The following STX8 variants were observed in gnomAD, a reference collection of about 807,000 sequenced individuals.
STX8 encodes the protein syntaxin 8.
Under a neutral mutation model 37.5 loss-of-function variants are expected in STX8, and 23 were observed. The observed-to-expected ratio is 0.61, with a 90% CI of 0.44 to 0.87. The LOEUF is 0.87. Ranked by LOEUF, STX8 falls within the 40% of genes least tolerant of loss-of-function variation. STX8 has a pLI of 0.00. For synonymous variants in STX8, 115 were observed against 99.1 expected (o/e 1.16, Z -0.95); for missense variants, 313 against 284.7 (o/e 1.10, Z -0.71).
chr17:9,474,466 G>A (rs1055700632), intron 6 of STX8, among the ~76,000 whole-genome samples: 28 of 152,052 alleles, frequency 1.8e-4, no homozygotes, highest in Middle Eastern at 6.8e-3. Context: ...TCCGCCTCCC[G>A]GGTTCAAGTG....
intron 4 of STX8, among the ~76,000 whole-genome samples, chr17:9,524,234 T>C (rs1299693971): frequency 1.3e-5 from 2 of 152,234 alleles, no homozygotes; most frequent in East Asian, 1.9e-4. Flanking sequence ...GCGGTATCAA[T>C]TTCTGTCTCA....
At chr17:9,328,313 T>C (rs1454470226) in intron 7 of STX8, among the ~76,000 whole-genome samples, 2 of 151,956 alleles carry the variant, frequency 1.3e-5, no homozygotes, top group African/African-American at 4.8e-5. Flanking sequence ...TGGCCTGTCT[T>C]GGGGAAAAGG....
intron 6 of STX8, among the ~76,000 whole-genome samples, chr17:9,451,769 A>T (rs763275966): frequency 1.3e-5 from 2 of 149,482 alleles, no homozygotes; most frequent in African/African-American, 2.5e-5. Flanking sequence ...ATTCATATAT[A>T]CACAAAAATA....
At chr17:9,285,281 C>T (rs75023836) in intron 7 of STX8, among the ~76,000 whole-genome samples, 11,328 of 152,152 alleles carry the variant, frequency 0.074, 555 homozygotes, top group Middle Eastern at 0.15. Context: ...GCATTTCTAA[C>T]AAACACCTCA....
At chr17:9,325,476 C>A (rs1909723284) in intron 7 of STX8, among the ~76,000 whole-genome samples, 1 of 152,142 alleles carries the variant, frequency 6.6e-6, no homozygotes, top group Non-Finnish European at 1.5e-5. Flanking sequence ...GGGTGTGTGA[C>A]CCTCAGAGAT....
At chr17:9,542,244 G>A (rs1567603630) in intron 4 of STX8, among the ~76,000 whole-genome samples, 3 of 152,250 alleles carry the variant, frequency 2.0e-5, no homozygotes, top group Admixed American at 2.0e-4. Context: ...TGTGATCCCA[G>A]CTACTCGGGA....
intron 3 of STX8, chr17:9,556,988 A>T (rs2151915333): frequency 6.4e-6 from 1 of 157,320 alleles, no homozygotes; most frequent in Non-Finnish European, 1.4e-5. Flanking sequence ...GAGAGGAGAG[A>T]TGTATGGTTT....
At chr17:9,386,118 A>AC (rs1912002057) in intron 6 of STX8, among the ~76,000 whole-genome samples, 1 of 150,216 alleles carries the variant, frequency 6.7e-6, no homozygotes, top group Non-Finnish European at 1.5e-5. Context: ...AAAAAAAAAA[A>AC]AAAAGCCTGT....
chr17:9,269,044 G>A (rs577403320), intron 7 of STX8, among the ~76,000 whole-genome samples: 1 of 152,240 alleles, frequency 6.6e-6, no homozygotes, highest in East Asian at 1.9e-4. Context: ...AAAATTAGCT[G>A]GGCATGGTGG....
chr17:9,474,978 CA>C (rs930082352), intron 6 of STX8, among the ~76,000 whole-genome samples: 18 of 152,004 alleles, frequency 1.2e-4, no homozygotes, highest in African/African-American at 4.3e-4. Flanking sequence ...TAGCAAAAAA[CA>C]AAAACAAACA....
chr17:9,347,351 G>A (rs1009682845), intron 7 of STX8, among the ~76,000 whole-genome samples: 1 of 152,088 alleles, frequency 6.6e-6, no homozygotes, highest in Admixed American at 6.6e-5. Flanking sequence ...TTTATGAAAA[G>A]TAGTACTTGT....
chr17:9,544,010 G>A lies in STX8; in HGVS notation c.323+1162C>T, dbSNP rs149184824. 7.9e-5 allele frequency among the ~76,000 whole-genome samples: 12 copies of A among 152,216 alleles called. No homozygotes were observed. The East Asian group carries it at 2.3e-3, about 29-fold the overall frequency. ...TCTGGGTTGTATATTAGAATCACCT[G>A]AGACCTCCCTGCCCCTCTGCCCCTC... On this transcript the variant is annotated intron_variant, in intron 4 of 7. Transcript: ENST00000306357.
intron 7 of STX8, among the ~76,000 whole-genome samples, chr17:9,260,619 G>A (rs540355994): frequency 2.7e-5 from 4 of 150,540 alleles, no homozygotes; most frequent in East Asian, 1.9e-4. Flanking sequence ...GTGAGACTCC[G>A]TCTCAGAAAA....
chr17:9,429,790 T>A (rs1429918988), intron 6 of STX8, among the ~76,000 whole-genome samples: 1 of 28,360 alleles, frequency 3.5e-5, no homozygotes, highest in Non-Finnish European at 6.1e-5. Context: ...ATATTTTATA[T>A]ATTATATATA....
chr17:9,470,356 T>A (rs1169579175), intron 6 of STX8, among the ~76,000 whole-genome samples: 1 of 152,256 alleles, frequency 6.6e-6, no homozygotes, highest in Non-Finnish European at 1.5e-5. Context: ...CACTTGGTTC[T>A]AATCAGACCA....
intron 6 of STX8, among the ~76,000 whole-genome samples, chr17:9,481,899 G>A (rs916076573): frequency 7.9e-5 from 12 of 152,124 alleles, no homozygotes; most frequent in African/African-American, 2.7e-4. Context: ...TAACAGTTTC[G>A]TCCTGAAACT....
intron 6 of STX8, among the ~76,000 whole-genome samples, chr17:9,450,839 T>C (rs1321919676): frequency 2.0e-5 from 3 of 152,260 alleles, no homozygotes; most frequent in South Asian, 2.1e-4. Flanking sequence ...TAGACATACC[T>C]GCTCTTAACC....
At chr17:9,457,405 T>C (rs1329020039) in intron 6 of STX8, among the ~76,000 whole-genome samples, 1 of 152,226 alleles carries the variant, frequency 6.6e-6, no homozygotes, top group Non-Finnish European at 1.5e-5. Context: ...TGCTCGAGTC[T>C]CTCACATCAC....
At chr17:9,471,936 C>G (rs1281891622) in intron 6 of STX8, among the ~76,000 whole-genome samples, 1 of 152,262 alleles carries the variant, frequency 6.6e-6, no homozygotes, top group East Asian at 1.9e-4. Flanking sequence ...TAATTATGTT[C>G]CATAAAGTCA....
Sources: allele counts gnomAD v4.1 joint callset (sites outside exome capture counted in the v4.1 genomes callset), GRCh38; gene constraint gnomAD v4.1.1; transcripts MANE v1.5; gene names NCBI Gene and HGNC (gene_info 2026-07-23, HGNC 2026-07-21).